DEPTOR: variants seen among roughly 807,000 people sequenced by gnomAD.
DEPTOR encodes the protein DEP domain-containing mTOR-interacting protein.
In DEPTOR, 41 loss-of-function variants were observed where a neutral mutation model predicts 41.6. The observed-to-expected ratio is 0.98, with a 90% CI of 0.77 to 1.28. The LOEUF (loss-of-function observed/expected upper bound fraction) is 1.28. Ranked by LOEUF, DEPTOR falls within the 50% of genes most tolerant of loss-of-function variation. DEPTOR has a pLI of 0.00. For synonymous variants in DEPTOR, 195 were observed against 192.3 expected (o/e 1.01, Z -0.12); for missense variants, 514 against 527.9 (o/e 0.97, Z 0.26).
At chr8:119,917,240 G>A (rs1264716312) in intron 1 of DEPTOR, among the ~76,000 whole-genome samples, 1 of 152,194 alleles carries the variant, frequency 6.6e-6, no homozygotes, top group Non-Finnish European at 1.5e-5. Flanking sequence ...CCTCTTATAT[G>A]TGTTACATTG....
rs974413174 is a variant in DEPTOR, at chr8:119,978,791, A to T, written c.604+13381A>T. On this transcript the variant is annotated intron_variant, in intron 4 of 8. Transcript: ENST00000286234. ...TGTCACTCATGATTCTTCCTCTAAA[A>T]GTTTTTCCACTAGCTGCTTCTGGCT... Among the ~76,000 whole-genome samples, 3 of 152,280 alleles carry T rather than the reference A, an allele frequency of 2.0e-5. No homozygotes were observed. The East Asian group carries it at 5.8e-4, about 29-fold the overall frequency.
At position 119,919,722 on chromosome 8, in the gene DEPTOR, C is replaced by T. The variant is rs181914791; in HGVS notation, c.123-8678C>T. Among the ~76,000 whole-genome samples the T allele has an allele frequency of 3.1e-3, 472 of 152,258 alleles. 3 individuals carry two copies. The highest frequency in any genetic ancestry group is 0.017 in the Middle Eastern group (5 of 294). On this transcript the variant is annotated intron_variant, in intron 1 of 8. Coordinates refer to ENST00000286234, the MANE Select transcript of DEPTOR (RefSeq NM_022783.4). ...TCAGTACTGTTGCCCAAATCACAGGCTCACACTGTCAGCCCCACTATTTGG... is the reference window on the plus strand; with the variant it reads ...TCAGTACTGTTGCCCAAATCACAGGTTCACACTGTCAGCCCCACTATTTGG...
intron 3 of DEPTOR, among the ~76,000 whole-genome samples, chr8:119,959,799 G>A (rs183347838): frequency 1.0e-3 from 155 of 152,218 alleles, no homozygotes; most frequent in African/African-American, 3.5e-3. Flanking sequence ...AAAATGCTGG[G>A]ATTACAGGTG....
rs757210251 is a variant in DEPTOR, at chr8:119,928,561, G to A, written c.284G>A (p.Arg95Gln). The A allele has an allele frequency of 1.2e-5, 20 of 1,613,824 alleles. No individual in the cohort carries two copies. Among genetic ancestry groups the A allele is most frequent in the African/African-American group, 5.3e-5 (4 of 74,900 alleles). The change falls in exon 2 of 9, where the codon CGG becomes CAG. Residue 95 changes from arginine to glutamine, a missense_variant. Arg to Gln is a conservative substitution (Grantham distance 43). Transcript: ENST00000286234. ...AAACTCATGCAGAAATTAGCAGACC[G>A]GGGCATTATTCACCATGGTGAGTGC... ...AIKLMQKLAD[R>Q]GIIHHVCDEH...
intron 4 of DEPTOR, among the ~76,000 whole-genome samples, chr8:119,984,197 A>G (rs543241297): frequency 1.3e-5 from 2 of 152,292 alleles, no homozygotes; most frequent in African/African-American, 4.8e-5. Flanking sequence ...GGGCCCTTGC[A>G]TGGAAGCACA....
intron 8 of DEPTOR, among the ~76,000 whole-genome samples, chr8:120,033,081 C>CTTTTTTTTTTTTTTTT (rs35161313): frequency 1.0e-5 from 1 of 98,982 alleles, no homozygotes. Flanking sequence ...ATATGGAATT[C>CTTTTTTTTTTTTTTTT]TTTTTTTTTT....
intron 3 of DEPTOR, among the ~76,000 whole-genome samples, chr8:119,941,929 T>C (rs1343757053): frequency 6.6e-6 from 1 of 152,196 alleles, no homozygotes; most frequent in Non-Finnish European, 1.5e-5. Flanking sequence ...ATAAACGGTA[T>C]GCAGCTTAAT....
intron 3 of DEPTOR, among the ~76,000 whole-genome samples, chr8:119,961,167 C>T (rs941834411): frequency 2.0e-5 from 3 of 151,106 alleles, no homozygotes; most frequent in South Asian, 2.1e-4. Context: ...CTGTAATCCC[C>T]GCCCTTTGGG....
chr8:119,879,233 A>C (rs1439485719), intron 1 of DEPTOR, among the ~76,000 whole-genome samples: 1 of 152,184 alleles, frequency 6.6e-6, no homozygotes, highest in Non-Finnish European at 1.5e-5. Context: ...CCTACACACT[A>C]CTTGGTGGGA....
chr8:120,012,597 T>G (rs1348063222), intron 8 of DEPTOR, among the ~76,000 whole-genome samples: 1 of 152,010 alleles, frequency 6.6e-6, no homozygotes. Flanking sequence ...AGTGCAATGG[T>G]GCGATCTCTG....
At chr8:119,952,400 G>A (rs1325509584) in intron 3 of DEPTOR, among the ~76,000 whole-genome samples, 2 of 152,178 alleles carry the variant, frequency 1.3e-5, no homozygotes, top group African/African-American at 4.8e-5. Context: ...AAGGCCTGGA[G>A]TTGGATTTCA....
At chr8:119,982,795 C>CT (rs1828784344) in intron 4 of DEPTOR, among the ~76,000 whole-genome samples, 1 of 152,166 alleles carries the variant, frequency 6.6e-6, no homozygotes, top group South Asian at 2.1e-4. Context: ...CAAGACTTTG[C>CT]TTTTTATCTG....
At chr8:119,908,963 G>T (rs1827703193) in intron 1 of DEPTOR, among the ~76,000 whole-genome samples, 1 of 147,894 alleles carries the variant, frequency 6.8e-6, no homozygotes, top group African/African-American at 2.4e-5. Flanking sequence ...TAAAATAGAT[G>T]CCAGGGCCTC....
intron 3 of DEPTOR, among the ~76,000 whole-genome samples, chr8:119,937,279 A>C (rs921770536): frequency 9.9e-5 from 15 of 151,986 alleles, no homozygotes; most frequent in African/African-American, 3.6e-4. Context: ...GGGTGCCTGT[A>C]GTCCCAGCTA....
chr8:119,955,924 G>A (rs892715537), intron 3 of DEPTOR, among the ~76,000 whole-genome samples: 1 of 152,116 alleles, frequency 6.6e-6, no homozygotes, highest in Non-Finnish European at 1.5e-5. Context: ...AACTCATCTT[G>A]GCAGCATCTG....
chr8:119,959,830 C>G (rs1362693676), intron 3 of DEPTOR, among the ~76,000 whole-genome samples: 1 of 152,064 alleles, frequency 6.6e-6, no homozygotes, highest in African/African-American at 2.4e-5. Context: ...TGCTTGGCCT[C>G]TAAATAAGAT....
At position 119,980,523 on chromosome 8, in the gene DEPTOR, G is replaced by GT. The variant is rs796323292; in HGVS notation, c.604+15123dup. On this transcript the variant is annotated intron_variant, in intron 4 of 8. Coordinates refer to ENST00000286234, the MANE Select transcript of DEPTOR (RefSeq NM_022783.4). Reference sequence around the variant, plus strand: ...CTTTTCTTTTCTTTTCTCTCTTTGTGTTTTTTTTTTGGAGATGGAGTTTTG... The same window carrying GT: ...CTTTTCTTTTCTTTTCTCTCTTTGTGTTTTTTTTTTTGGAGATGGAGTTTTG... Among the ~76,000 whole-genome samples the GT allele has an allele frequency of 4.7e-3, 338 of 71,182 alleles. 1 individual carries two copies. Among genetic ancestry groups the GT allele is most frequent in the African/African-American group, 0.015 (268 of 17,588 alleles). The allele number at this position is 71,182 out of a possible 152,430, so 46.7% of individuals were successfully genotyped here.
At chr8:119,930,910 T>C (rs1828034888) in intron 3 of DEPTOR, among the ~76,000 whole-genome samples, 1 of 152,040 alleles carries the variant, frequency 6.6e-6, no homozygotes, top group Non-Finnish European at 1.5e-5. Flanking sequence ...CTTGAGGGAA[T>C]TGAAAAATAC....
At chr8:119,992,818 G>T (rs1357713594) in intron 4 of DEPTOR, among the ~76,000 whole-genome samples, 1 of 151,868 alleles carries the variant, frequency 6.6e-6, no homozygotes, top group Admixed American at 6.6e-5. Flanking sequence ...CACCATGCCT[G>T]GCTAATTTTT....
Sources: gnomAD v4.1 joint callset for allele counts (sites outside exome capture counted in the v4.1 genomes callset) on GRCh38, gnomAD v4.1.1 for gene constraint, MANE v1.5 for transcripts, NCBI Gene and HGNC (gene_info 2026-07-23, HGNC 2026-07-21) for gene names.